Variants in EZH2 observed in about 807,000 individuals in gnomAD.
EZH2 encodes enhancer of zeste 2 polycomb repressive complex 2 subunit.
Under a neutral mutation model 98.4 loss-of-function variants are expected in EZH2, and 18 were observed. The observed-to-expected ratio is 0.18, with a 90% CI of 0.13 to 0.27. EZH2 has a LOEUF of 0.27. Among genes scored for constraint, EZH2 ranks in the 10% least tolerant of loss-of-function variants. EZH2 has a pLI of 1.00. For synonymous variants in EZH2, 338 were observed against 312.3 expected (o/e 1.08, Z -0.87); for missense variants, 470 against 935.1 (o/e 0.50, Z 6.49).
intron 8 of EZH2, among the ~76,000 whole-genome samples, chr7:148,825,739 A>G (rs1201379126): frequency 2.6e-5 from 4 of 152,200 alleles, no homozygotes; most frequent in African/African-American, 7.2e-5. Context: ...CAGACGTACT[A>G]AAATACAATA....
intron 3 of EZH2, among the ~76,000 whole-genome samples, chr7:148,843,746 C>T (rs920464730): frequency 6.6e-6 from 1 of 151,726 alleles, no homozygotes; most frequent in African/African-American, 2.4e-5. Context: ...CAGGCGCCCG[C>T]TACCACGCCC....
At chr7:148,811,815 G>A in intron 15 of EZH2, 95 bp from the exon 16 acceptor site, 1 of 1,058,994 alleles carries the variant, frequency 9.4e-7, no homozygotes, top group Non-Finnish European at 1.4e-6. Flanking sequence ...AGCTATCACT[G>A]TAAATCCTCA....
chr7:148,832,285 C>T (rs1007298616), intron 4 of EZH2, among the ~76,000 whole-genome samples: 25 of 152,130 alleles, frequency 1.6e-4, no homozygotes, highest in Non-Finnish European at 1.5e-5. Flanking sequence ...TGCCATATTG[C>T]CCAGGTGGAT....
chr7:148,847,202 T>G lies in EZH2; in HGVS notation c.97A>C (p.Arg33=). The change falls in exon 2 of 20, where the codon AGA becomes CGA. Residue 33 remains arginine, a synonymous_variant. Coordinates refer to ENST00000320356, the MANE Select transcript of EZH2 (RefSeq NM_004456.5). Reference sequence around the variant, plus strand: ...TATACCTTTACTTCATCAGCTCGTCTGAACCTCTTGAGCTGTCTCAGTCGC... The same window carrying G: ...TATACCTTTACTTCATCAGCTCGTCGGAACCTCTTGAGCTGTCTCAGTCGC... ...YMRLRQLKRF[R]RADEVKSMFS... The G allele has an allele frequency of 6.2e-7, 1 of 1,612,536 alleles. No homozygotes were observed. Among genetic ancestry groups the G allele is most frequent in the Non-Finnish European group, 8.5e-7 (1 of 1,179,582 alleles).
At chr7:148,880,839 A>C (rs1820848023) in intron 1 of EZH2, among the ~76,000 whole-genome samples, 3 of 152,230 alleles carry the variant, frequency 2.0e-5, no homozygotes, top group Admixed American at 1.3e-4. Flanking sequence ...TACAAAGAAA[A>C]AAATAAGACA....
intron 3 of EZH2, among the ~76,000 whole-genome samples, chr7:148,843,670 A>G (rs1813154355): frequency 8.0e-6 from 1 of 124,486 alleles, no homozygotes. Flanking sequence ...ATCTCGGCTC[A>G]CTGCAAGCTC....
chr7:148,820,293 A>G (rs1805648482), intron 8 of EZH2, among the ~76,000 whole-genome samples: 1 of 152,236 alleles, frequency 6.6e-6, no homozygotes, highest in African/African-American at 2.4e-5. Flanking sequence ...CTAAAATTCC[A>G]AAATAATGTA....
rs372660291 is a variant in EZH2 at position 148,827,277 on chromosome 7, G to A, written c.626-11C>T. 6.3e-7 allele frequency: 1 copy of A among 1,589,188 alleles called. No individual in the cohort carries two copies. Among genetic ancestry groups the A allele is most frequent in the Non-Finnish European group, 8.6e-7 (1 of 1,164,458 alleles). Reference sequence around the variant, plus strand: ...GGCGGCTTTCTTTATCTAAACAGGAGAATATGAAAGGAAAAAAAGAATGGA... The same window carrying A: ...GGCGGCTTTCTTTATCTAAACAGGAAAATATGAAAGGAAAAAAAGAATGGA... On this transcript the variant is annotated splice_polypyrimidine_tract_variant and intron_variant, in intron 6 of 19. Transcript: ENST00000320356.
chr7:148,875,135 AT>A (rs1820003568), intron 1 of EZH2, among the ~76,000 whole-genome samples: 1 of 152,218 alleles, frequency 6.6e-6, no homozygotes, highest in Admixed American at 6.5e-5. Flanking sequence ...ATTAAAAAAA[AT>A]TATCATCCAT....
In EZH2 at chr7:148,813,929, A is replaced by T. The variant is rs750635243; in HGVS notation, c.1851+30T>A. ...TGCATCACTAAATAGCTAACTACAA[A>T]CAATCTTCCAGAAGTGACTTGTTGC... On this transcript the variant is annotated intron_variant, in intron 15 of 19. Transcript: ENST00000320356. 5.0e-6 allele frequency: 8 copies of T among 1,596,562 alleles called. No homozygotes were observed. In the African/African-American group the frequency reaches 9.4e-5, roughly 19 times the overall value.
chr7:148,812,150 T>C (rs139839001), intron 15 of EZH2, among the ~76,000 whole-genome samples: 2 of 152,164 alleles, frequency 1.3e-5, no homozygotes, highest in African/African-American at 4.8e-5. Context: ...ATTCTATTAA[T>C]AGTTATTCCA....
At chr7:148,881,704 C>T (rs1381742470) in intron 1 of EZH2, among the ~76,000 whole-genome samples, 4 of 152,008 alleles carry the variant, frequency 2.6e-5, no homozygotes, top group African/African-American at 4.8e-5. Flanking sequence ...GAGGCGGAGG[C>T]GGGTACATCA....
chr7:148,846,622 G>A (rs2129485092), intron 2 of EZH2, 24 bp from the exon 3 acceptor site: 1 of 1,601,432 alleles, frequency 6.2e-7, no homozygotes, highest in Non-Finnish European at 8.5e-7. Context: ...ATGAAGGAGA[G>A]GAAAGGAGAA....
rs1265059186 is a variant in EZH2 at position 148,817,989 on chromosome 7, A to C, written c.1128T>G (p.Asn376Lys). 6.2e-7 allele frequency: 1 copy of C among 1,613,966 alleles called. No individual in the cohort carries two copies. The highest frequency in any genetic ancestry group is 1.3e-5 in the African/African-American group (1 of 74,870). ...NSSRPSTPTI[N>K]VLESKDTDSD... is the part of the protein sequence containing the mutation. ...TGTCTGTATCCTTTGATTCCAGCAC[A>C]TTAATGGTGGGGGTGCTGGGCCTGC... is the stretch of plus-strand genomic sequence containing the variant. The change falls in exon 10 of 20, where the codon AAT becomes AAG. Residue 376 changes from asparagine to lysine, a missense_variant. Coordinates refer to ENST00000320356, the MANE Select transcript of EZH2 (RefSeq NM_004456.5).
At position 148,807,814 on chromosome 7, in the gene EZH2, TAAA is replaced by T. The variant is rs35866517; in HGVS notation, c.2196-111_2196-109del. On this transcript the variant is annotated intron_variant, in intron 19 of 19. Coordinates refer to ENST00000320356, the MANE Select transcript of EZH2 (RefSeq NM_004456.5). The stretch of plus-strand genomic sequence containing the variant: ...GATAGTGGGTGCATTAAAATGTCTT[TAAA>T]AAAAAAAAAAAAAAAAAAACCCATC... 131,407 of 396,448 alleles carry T rather than the reference TAAA, an allele frequency of 0.33. 11,259 individuals carry two copies. The highest frequency in any genetic ancestry group is 0.37 in the Admixed American group (8,735 of 23,916). The allele number at this position is 396,448 out of a possible 1,614,324, so 24.6% of individuals were successfully genotyped here.
chr7:148,843,583 GTTTTTTTTTTTTTTT>G (rs1157236882), intron 3 of EZH2, among the ~76,000 whole-genome samples: 4 of 64,310 alleles, frequency 6.2e-5, no homozygotes, highest in South Asian at 1.5e-3. Flanking sequence ...GGGAGTATAA[GTTTTTTTTTTTTTTT>G]TTTTTTTTTT....
At chr7:148,851,960 G>A (rs1317881219) in intron 1 of EZH2, among the ~76,000 whole-genome samples, 1 of 152,230 alleles carries the variant, frequency 6.6e-6, no homozygotes, top group Non-Finnish European at 1.5e-5. Flanking sequence ...TGGACACTGT[G>A]TAAATACATA....
At chr7:148,860,825 C>T (rs916526599) in intron 1 of EZH2, among the ~76,000 whole-genome samples, 2 of 152,142 alleles carry the variant, frequency 1.3e-5, no homozygotes, top group African/African-American at 4.8e-5. Flanking sequence ...GTGCACACTA[C>T]CATGTCTGGC....
At chr7:148,815,446 C>T (rs1804291008) in intron 13 of EZH2, 60 bp downstream of exon 13, 2 of 1,525,564 alleles carry the variant, frequency 1.3e-6, no homozygotes, top group Non-Finnish European at 1.8e-6. Flanking sequence ...TATTCTAAAA[C>T]AAATGAAAAC....
Sources: allele counts gnomAD v4.1 joint callset (sites outside exome capture counted in the v4.1 genomes callset), GRCh38; gene constraint gnomAD v4.1.1; transcripts MANE v1.5; gene names NCBI Gene and HGNC (gene_info 2026-07-23, HGNC 2026-07-21).